The following CDH2 variants were observed in gnomAD, a reference collection of about 807,000 sequenced individuals.
CDH2 encodes the protein cadherin-2.
A neutral mutation model predicts 92.0 loss-of-function variants in CDH2; 17 were observed. The observed-to-expected ratio is 0.18, with a 90% CI of 0.13 to 0.28. CDH2 has a LOEUF of 0.28. CDH2 is among the 10% of genes least tolerant of loss of function. CDH2 has a pLI of 1.00. For missense variants in CDH2, 862 were observed against 1,133.1 expected, an observed-to-expected ratio of 0.76 and a Z score of 3.44; for synonymous variants, 419 against 415.9, an observed-to-expected ratio of 1.01 and a Z score of -0.09.
At chr18:28,083,854 A>G (rs2014877169) in intron 2 of CDH2, among the ~76,000 whole-genome samples, 1 of 152,130 alleles carries the variant, frequency 6.6e-6, no homozygotes, top group African/African-American at 2.4e-5. Context: ...TTTTGAGAAA[A>G]CACTATGGTG....
intron 2 of CDH2, among the ~76,000 whole-genome samples, chr18:28,076,509 A>G (rs1195989879): frequency 6.6e-6 from 1 of 152,186 alleles, no homozygotes; most frequent in Admixed American, 6.5e-5. Flanking sequence ...TAATTGCTCA[A>G]TAATTTTTTA....
chr18:27,965,135 C>T (rs1415250327), intron 14 of CDH2, among the ~76,000 whole-genome samples: 2 of 152,206 alleles, frequency 1.3e-5, no homozygotes, highest in Admixed American at 1.3e-4. Context: ...CCCAAGGTCA[C>T]ACAGCTAGTA....
chr18:28,130,873 C>T (rs747849542), intron 2 of CDH2, among the ~76,000 whole-genome samples: 44 of 152,242 alleles, frequency 2.9e-4, no homozygotes, highest in Admixed American at 3.3e-4. Flanking sequence ...TAAGTTTTGG[C>T]AATCCCAAGT....
At position 28,066,418 on chromosome 18, in the gene CDH2, C is replaced by T. The variant is rs17446232; in HGVS notation, c.173-52509G>A. 8.3e-3 allele frequency among the ~76,000 whole-genome samples: 1,261 copies of T among 152,150 alleles called. 9 individuals are homozygous for T. Among genetic ancestry groups the T allele is most frequent in the Non-Finnish European group, 0.014 (971 of 67,994 alleles). On this transcript the variant is annotated intron_variant, in intron 2 of 15. Transcript: ENST00000269141. Reference sequence around the variant, plus strand: ...TTTAGCACAAGAGTTCGAACAAAGGCTCTTATGTTTAATGCATTAAGAATT... The same window carrying T: ...TTTAGCACAAGAGTTCGAACAAAGGTTCTTATGTTTAATGCATTAAGAATT...
At chr18:28,083,055 T>C (rs1268491312) in intron 2 of CDH2, among the ~76,000 whole-genome samples, 1 of 152,204 alleles carries the variant, frequency 6.6e-6, no homozygotes, top group Non-Finnish European at 1.5e-5. Context: ...TTCCTGCCTA[T>C]GGACTTCCTA....
chr18:27,985,539 G>A lies in CDH2; in HGVS notation c.1964C>T (p.Thr655Ile), dbSNP rs946014808. Residue 655 changes from threonine (T) to isoleucine (I), a missense_variant, in exon 12 of 16, where the codon ACT becomes ATT. Physicochemically the swap from Thr to Ile is moderately conservative, Grantham distance 89. Coordinates refer to ENST00000269141, the MANE Select transcript of CDH2 (RefSeq NM_001792.5). ...TAACCTGTTCTTACCATTAAGCCGA[G>A]TGATGGTCCAATTTCTCTTAATAGT... Reference protein sequence around the residue: ...PVTIKRNWTITRLNGDFAQLN... With the variant: ...PVTIKRNWTIIRLNGDFAQLN... 1 of 1,603,624 alleles carries A rather than the reference G, an allele frequency of 6.2e-7. No homozygotes were observed. Among genetic ancestry groups the A allele is most frequent in the Middle Eastern group, 1.7e-4 (1 of 6,048 alleles).
Position 27,958,720 on chromosome 18 carries a change from A to G in CDH2, c.2514+4637T>C, listed in dbSNP as rs187241949. 2.2e-3 allele frequency among the ~76,000 whole-genome samples: 340 copies of G among 152,188 alleles called. 1 individual carries two copies. Among genetic ancestry groups the G allele is most frequent in the African/African-American group, 7.6e-3 (314 of 41,536 alleles). On this transcript the variant is annotated intron_variant, in intron 15 of 15. Coordinates refer to ENST00000269141, the MANE Select transcript of CDH2 (RefSeq NM_001792.5). ...ATCTCATCTTGAATTGTAGTTCCAT[A>G]TTTCCCATAATCCCCACAGGTTGTG...
chr18:27,995,920 C>T (rs905747495), intron 7 of CDH2, among the ~76,000 whole-genome samples: 15 of 152,134 alleles, frequency 9.9e-5, no homozygotes, highest in African/African-American at 3.1e-4. Context: ...GTGTTTTAGA[C>T]AACTGAACTG....
intron 1 of CDH2, among the ~76,000 whole-genome samples, chr18:28,156,265 C>T (rs1789470): frequency 0.84 from 128,413 of 152,208 alleles, 54,288 homozygotes; most frequent in African/African-American, 0.87. Context: ...TAGGCAAAAA[C>T]AGCATTGATG....
intron 1 of CDH2, among the ~76,000 whole-genome samples, chr18:28,154,085 A>G (rs1210905955): frequency 6.6e-6 from 1 of 152,208 alleles, no homozygotes; most frequent in Non-Finnish European, 1.5e-5. Flanking sequence ...ACCTTTCTGA[A>G]CGTTCTCAAA....
At chr18:28,134,021 C>G (rs905620665) in intron 2 of CDH2, among the ~76,000 whole-genome samples, 3 of 150,130 alleles carry the variant, frequency 2.0e-5, no homozygotes, top group Admixed American at 6.7e-5. Flanking sequence ...ATTAGCGAGG[C>G]ATGGTGAGTC....
chr18:28,033,984 C>T (rs2013762628), intron 2 of CDH2, among the ~76,000 whole-genome samples: 1 of 152,006 alleles, frequency 6.6e-6, no homozygotes, highest in East Asian at 1.9e-4. Context: ...CTCAATTGAG[C>T]CATACTCTCG....
chr18:28,042,282 C>G (rs1048809781), intron 2 of CDH2, among the ~76,000 whole-genome samples: 3 of 152,048 alleles, frequency 2.0e-5, no homozygotes, highest in Admixed American at 2.0e-4. Context: ...AGGGAAATAA[C>G]GTTTTATTAC....
At chr18:28,083,966 A>G (rs1486213438) in intron 2 of CDH2, among the ~76,000 whole-genome samples, 1 of 152,096 alleles carries the variant, frequency 6.6e-6, no homozygotes, top group Non-Finnish European at 1.5e-5. Context: ...GTGGACAGCA[A>G]TTTTGCCGCA....
At chr18:27,989,128 A>T (rs2143965524) in intron 10 of CDH2, among the ~76,000 whole-genome samples, 1 of 152,326 alleles carries the variant, frequency 6.6e-6, no homozygotes, top group South Asian at 2.1e-4. Context: ...GCCAACATGA[A>T]GCCACACTGG....
chr18:28,027,628 C>T (rs2013589307), intron 2 of CDH2, among the ~76,000 whole-genome samples: 1 of 152,186 alleles, frequency 6.6e-6, no homozygotes. Flanking sequence ...GCTATGCATA[C>T]AATTTTATAT....
At chr18:27,934,851 A>T (rs1182959092) in intron 6 of CDH2, among the ~76,000 whole-genome samples, 1 of 152,190 alleles carries the variant, frequency 6.6e-6, no homozygotes, top group Non-Finnish European at 1.5e-5. Context: ...ATGTCAATTG[A>T]TGATATCTTT....
At chr18:28,040,056 T>C (rs544238370) in intron 2 of CDH2, among the ~76,000 whole-genome samples, 1 of 152,288 alleles carries the variant, frequency 6.6e-6, no homozygotes, top group Non-Finnish European at 1.5e-5. Context: ...TGATCGTATC[T>C]TAAAATGGTG....
At chr18:27,974,759 G>T (rs1157014920) in intron 14 of CDH2, among the ~76,000 whole-genome samples, 1 of 152,164 alleles carries the variant, frequency 6.6e-6, no homozygotes, top group Non-Finnish European at 1.5e-5. Flanking sequence ...GAGGTTGTTT[G>T]CTCCTTTCAT....
Sources: gnomAD v4.1 joint callset for allele counts (sites outside exome capture counted in the v4.1 genomes callset) on GRCh38, gnomAD v4.1.1 for gene constraint, MANE v1.5 for transcripts, NCBI Gene and HGNC (gene_info 2026-07-23, HGNC 2026-07-21) for gene names.